Variants in HSDL2 observed in about 807,000 individuals in gnomAD.
The protein encoded by HSDL2 is hydroxysteroid dehydrogenase-like protein 2.
Under a neutral mutation model 46.3 loss-of-function variants are expected in HSDL2, and 27 were observed. That is an observed-to-expected ratio of 0.58 (90% CI 0.43 to 0.80). The LOEUF is 0.80. Among genes scored for constraint, HSDL2 ranks in the 30% least tolerant of loss-of-function variants. The pLI is 0.00. For synonymous variants in HSDL2, 153 were observed against 163.6 expected (o/e 0.94, Z 0.50); for missense variants, 451 against 502.7 (o/e 0.90, Z 0.98).
chr9:112,468,352 G>A (rs1833454793), intron 10 of HSDL2, among the ~76,000 whole-genome samples: 1 of 152,060 alleles, frequency 6.6e-6, no homozygotes, highest in Non-Finnish European at 1.5e-5. Context: ...AAGATCATCT[G>A]ATTTAATCAC....
At position 112,472,223 on chromosome 9, in the gene HSDL2, CGTAACCTGAA is replaced by C. The variant is rs1332622354; in HGVS notation, c.*1689_*1698del. The C allele has an allele frequency of 6.6e-6, 1 of 152,206 alleles. No homozygotes were observed. The highest frequency in any genetic ancestry group is 2.4e-5 in the African/African-American group (1 of 41,442). The allele number at this position is 152,206 out of a possible 1,614,324, so 9.4% of individuals were successfully genotyped here. ...CCTCTGCTTTAATCCACACAAGGAA[CGTAACCTGAA>C]GTAACCTGATGTTAACCAATCTGCT... On this transcript the variant is annotated 3_prime_UTR_variant, in exon 11 of 11. Transcript: ENST00000398805.
At position 112,412,346 on chromosome 9, in the gene HSDL2, A is replaced by G. The variant is rs1831890998; in HGVS notation, c.395+3325A>G. 2.0e-5 allele frequency among the ~76,000 whole-genome samples: 3 copies of G among 152,196 alleles called. No individual in the cohort carries two copies. The South Asian group carries it at 6.2e-4, about 31-fold the overall frequency. The stretch of plus-strand genomic sequence containing the variant: ...CAAGGTATTGACAAATATCTTGGCA[A>G]GTTTAAGGCAGATTTATCAAAACTA... On this transcript the variant is annotated intron_variant, in intron 4 of 10. Transcript: ENST00000398805.
At chr9:112,387,939 G>A (rs971545309) in intron 1 of HSDL2, among the ~76,000 whole-genome samples, 3 of 151,830 alleles carry the variant, frequency 2.0e-5, no homozygotes, top group African/African-American at 4.8e-5. Flanking sequence ...CAGGAGAATC[G>A]CTTGAGCCCA....
At chr9:112,469,038 T>C (rs1833485881) in intron 10 of HSDL2, among the ~76,000 whole-genome samples, 2 of 152,184 alleles carry the variant, frequency 1.3e-5, no homozygotes. Flanking sequence ...GTATCCTCCA[T>C]GTAAATAAAA....
Position 112,395,715 on chromosome 9 carries a change from C to T in HSDL2, c.18-8280C>T, listed in dbSNP as rs374501263. ...CAGGCATGCCAGGTTGGACGGCTCC[C>T]ATAGGTTTAATTACAGCATTAATGG... On this transcript the variant is annotated intron_variant, in intron 1 of 10. Coordinates refer to ENST00000398805, the MANE Select transcript of HSDL2 (RefSeq NM_032303.5). Among the ~76,000 whole-genome samples the T allele has an allele frequency of 9.2e-5, 14 of 152,350 alleles. No homozygotes were observed. In the East Asian group the frequency reaches 9.6e-4, roughly 10 times the overall value.
intron 10 of HSDL2, among the ~76,000 whole-genome samples, chr9:112,462,441 T>A (rs1468774550): frequency 1.5e-5 from 2 of 131,824 alleles, no homozygotes; most frequent in African/African-American, 5.9e-5. Context: ...CCAGCCTGGG[T>A]GACTGACTGA....
At chr9:112,402,794 G>A (rs1167498754) in intron 1 of HSDL2, among the ~76,000 whole-genome samples, 1 of 152,134 alleles carries the variant, frequency 6.6e-6, no homozygotes, top group East Asian at 1.9e-4. Context: ...GGTGGCCCAC[G>A]CCTGTAGTCC....
intron 6 of HSDL2, among the ~76,000 whole-genome samples, chr9:112,428,649 G>A (rs1350732923): frequency 2.6e-5 from 4 of 152,110 alleles, no homozygotes; most frequent in African/African-American, 9.7e-5. Flanking sequence ...TGTTTCATAA[G>A]CTTTTGTTTC....
At chr9:112,414,420 T>C (rs1831944775) in intron 4 of HSDL2, among the ~76,000 whole-genome samples, 1 of 152,220 alleles carries the variant, frequency 6.6e-6, no homozygotes, top group Admixed American at 6.5e-5. Flanking sequence ...AGGTTTTCAG[T>C]AAACGTAACT....
intron 1 of HSDL2, among the ~76,000 whole-genome samples, chr9:112,386,108 T>TG (rs1411111914): frequency 6.6e-6 from 1 of 151,944 alleles, no homozygotes; most frequent in Non-Finnish European, 1.5e-5. Context: ...TTGGTAAAGG[T>TG]GGGGTCTCAC....
intron 8 of HSDL2, among the ~76,000 whole-genome samples, chr9:112,449,261 A>G (rs1832825037): frequency 6.6e-6 from 1 of 151,410 alleles, no homozygotes; most frequent in Admixed American, 6.6e-5. Flanking sequence ...TAATTTTTGT[A>G]TTTTTAGTAG....
intron 1 of HSDL2, among the ~76,000 whole-genome samples, chr9:112,381,088 T>TACACACACACACACACACACACACACAC (rs111459650): frequency 4.8e-4 from 65 of 134,236 alleles, no homozygotes; most frequent in African/African-American, 1.4e-3. Context: ...TACATCCGGA[T>TACACACACACACACACACACACACACAC]ACACACACAC....
chr9:112,453,368 T>G (rs1490267456), intron 8 of HSDL2, among the ~76,000 whole-genome samples: 1 of 152,150 alleles, frequency 6.6e-6, no homozygotes, highest in Admixed American at 6.5e-5. Context: ...TCCCTCATAC[T>G]CCAGTAGTTG....
chr9:112,385,735 C>T (rs367614076), intron 1 of HSDL2, among the ~76,000 whole-genome samples: 7 of 151,818 alleles, frequency 4.6e-5, no homozygotes, highest in South Asian at 4.2e-4. Flanking sequence ...CCTTGTGATC[C>T]GCCCACCTCA....
chr9:112,401,376 A>G (rs1831588199), intron 1 of HSDL2, among the ~76,000 whole-genome samples: 1 of 143,712 alleles, frequency 7.0e-6, no homozygotes. Context: ...AAGATCACTT[A>G]AGTCCAGAGG....
At chr9:112,425,888 C>G (rs1832231911) in intron 6 of HSDL2, among the ~76,000 whole-genome samples, 1 of 149,382 alleles carries the variant, frequency 6.7e-6, no homozygotes. Context: ...CCACCATGCC[C>G]AGCTAGTTTT....
chr9:112,470,417 A>T lies in HSDL2; in HGVS notation c.1145-15A>T. 1 of 1,548,066 alleles carries T rather than the reference A, an allele frequency of 6.5e-7. No homozygotes were observed. Among genetic ancestry groups the T allele is most frequent in the Admixed American group, 1.7e-5 (1 of 58,754 alleles). The stretch of plus-strand genomic sequence containing the variant: ...ACTAATGGTTGCTTTTCCCTCTCTC[A>T]TTTTCTCATTTTAGGGAAACTAAAA... On this transcript the variant is annotated splice_polypyrimidine_tract_variant and intron_variant, in intron 10 of 10. Coordinates refer to ENST00000398805, the MANE Select transcript of HSDL2 (RefSeq NM_032303.5).
Position 112,472,188 on chromosome 9 carries a change from GA to G in HSDL2, c.*1645del, listed in dbSNP as rs946501107. On this transcript the variant is annotated 3_prime_UTR_variant, in exon 11 of 11. Transcript: ENST00000398805. ...CAACGTGAGCAAGCGTGATTATGAT[GA>G]GGAAGCCCCCTCTGCTTTAATCCAC... The G allele has an allele frequency of 9.2e-5, 14 of 152,358 alleles. No individual in the cohort carries two copies. Among genetic ancestry groups the G allele is most frequent in the African/African-American group, 3.4e-4 (14 of 41,590 alleles). The allele number at this position is 152,358 out of a possible 1,614,324, so 9.4% of individuals were successfully genotyped here. A position where few individuals can be genotyped will look rare whatever the true frequency, so the allele number is the denominator to read the frequency against.
In HSDL2 at chr9:112,418,945, A is replaced by G. The variant is rs377111864; in HGVS notation, c.585A>G (p.Leu195=). Residue 195 remains leucine (L), a synonymous_variant, in exon 6 of 11, where the codon TTA becomes TTG. Transcript: ENST00000398805. ...AAGGTGAAATTGCAGTCAATGCATT[A>G]TGGCCTAAAACAGGTATGTATTTTT... ...EFKGEIAVNA[L]WPKTAIHTAA... is the part of the protein sequence containing the mutation. The G allele has an allele frequency of 8.8e-6, 14 of 1,582,788 alleles. No individual in the cohort carries two copies. In the African/African-American group the frequency reaches 1.5e-4, roughly 17 times the overall value.
Sources: gnomAD v4.1 joint callset for allele counts (sites outside exome capture counted in the v4.1 genomes callset) on GRCh38, gnomAD v4.1.1 for gene constraint, MANE v1.5 for transcripts, NCBI Gene and HGNC (gene_info 2026-07-23, HGNC 2026-07-21) for gene names.